ZC3H14: variants seen among roughly 807,000 people sequenced by gnomAD.
ZC3H14 encodes zinc finger CCCH-type containing 14.
ZC3H14 carries 31 observed loss-of-function variants against 92.4 expected under a neutral mutation model. That is an observed-to-expected ratio of 0.34 (90% CI 0.25 to 0.45). The LOEUF is 0.45. Among genes scored for constraint, ZC3H14 ranks in the 20% least tolerant of loss-of-function variants. The pLI is 1.00. For missense variants in ZC3H14, 781 were observed against 897.3 expected, an observed-to-expected ratio of 0.87 and a Z score of 1.66; for synonymous variants, 321 against 300.9, an observed-to-expected ratio of 1.07 and a Z score of -0.69.
At position 88,572,102 on chromosome 14, in the gene ZC3H14, G is replaced by C; in HGVS notation, c.308G>C (p.Ser103Thr). 1 of 1,614,100 alleles carries C rather than the reference G, an allele frequency of 6.2e-7. No individual in the cohort carries two copies. Among genetic ancestry groups the C allele is most frequent in the South Asian group, 1.1e-5 (1 of 91,090 alleles). ...SNVPSNKSNF[S>T]RGDERRHEAA... ...GTGCCTTCAAACAAGAGCAATTTCA[G>C]TCGGGGAGATGAGAGGAGGCATGAA... The change falls in exon 5 of 17, where the codon AGT (serine) becomes ACT (threonine). Residue 103 changes from serine to threonine, a missense_variant. By Grantham distance (58) the Ser-to-Thr change is moderately conservative. Coordinates refer to ENST00000251038, the MANE Select transcript of ZC3H14 (RefSeq NM_024824.5).
intron 9 of ZC3H14, among the ~76,000 whole-genome samples, chr14:88,588,974 C>G (rs990796641): frequency 1.3e-5 from 2 of 152,130 alleles, no homozygotes; most frequent in African/African-American, 4.8e-5. Flanking sequence ...TCTCAACTGT[C>G]TGAAGATCCT....
Position 88,567,749 on chromosome 14 carries a change from A to C in ZC3H14, c.80-290A>C, listed in dbSNP as rs955422458. 15 of 402,670 alleles carry C rather than the reference A, an allele frequency of 3.7e-5. 1 individual carries two copies. The Admixed American group carries it at 5.4e-4, about 15-fold the overall frequency. 24.9% of individuals were successfully genotyped at this position (402,670 alleles called of 1,614,324 possible). A position where few individuals can be genotyped will look rare whatever the true frequency, so the allele number is the denominator to read the frequency against. ...CCCATAAGCTTCTTTGAAATTAATA[A>C]GCATTATTAAAAAGATTCAAGGAAG... On this transcript the variant is annotated intron_variant, in intron 2 of 16. Coordinates refer to ENST00000251038, the MANE Select transcript of ZC3H14 (RefSeq NM_024824.5).
At chr14:88,583,179 T>G (rs766930971) in intron 9 of ZC3H14, among the ~76,000 whole-genome samples, 17 of 151,528 alleles carry the variant, frequency 1.1e-4, no homozygotes, top group Non-Finnish European at 2.4e-4. Flanking sequence ...TCACCTAGGC[T>G]AGAGTACAGT....
At chr14:88,570,988 T>G (rs2080308124) in intron 3 of ZC3H14, 96 bp from the exon 4 acceptor site, 3 of 985,692 alleles carry the variant, frequency 3.0e-6, no homozygotes, top group Non-Finnish European at 4.2e-6. Context: ...ATTTAAAAAA[T>G]TATCTCTGAA....
Position 88,622,665 on chromosome 14 carries a change from C to A in ZC3H14, c.*10914C>A, listed in dbSNP as rs370179425. 6.2e-7 allele frequency: 1 copy of A among 1,611,018 alleles called. No homozygotes were observed. Among genetic ancestry groups the A allele is most frequent in the Non-Finnish European group, 8.5e-7 (1 of 1,178,512 alleles). ...TTGTCCTGTCTCAAGCCTGAAGGCA[C>A]GGCACCGCCTCAGTTCCTGATCCCA... On this transcript the variant is annotated 3_prime_UTR_variant, in exon 17 of 17. Transcript: ENST00000251038.
chr14:88,609,407 A>G lies in ZC3H14; in HGVS notation c.2005+4A>G, dbSNP rs1432194908. 1.2e-6 allele frequency: 2 copies of G among 1,613,966 alleles called. No homozygotes were observed. The highest frequency in any genetic ancestry group is 3.3e-5 in the Admixed American group (2 of 59,982). ...CCAGTACTGTCTCCAAAACCAGGTG[A>G]GTGAGTGACTGTGCTACTACATTTG... is the stretch of plus-strand genomic sequence containing the variant. On this transcript the variant is annotated splice_donor_region_variant and intron_variant, in intron 14 of 16. Coordinates refer to ENST00000251038, the MANE Select transcript of ZC3H14 (RefSeq NM_024824.5).
intron 2 of ZC3H14, chr14:88,567,763 G>T: frequency 2.3e-6 from 1 of 439,436 alleles, no homozygotes; most frequent in Non-Finnish European, 4.3e-6. Flanking sequence ...TTATTAAAAA[G>T]ATTCAAGGAA....
intron 15 of ZC3H14, 70 bp downstream of exon 15, chr14:88,609,873 G>A: frequency 6.6e-7 from 1 of 1,518,736 alleles, no homozygotes; most frequent in African/African-American, 1.4e-5. Context: ...CTTCTTTTTT[G>A]TCAGAGTTAC....
Position 88,616,564 on chromosome 14 carries a change from T to G in ZC3H14, c.*4813T>G, listed in dbSNP as rs576635624. ...AGATGGTATTACTCGAGGGAGAGGATTTGTTTCTAATAGCTTTTATTTCAA... is the reference window on the plus strand; with the variant it reads ...AGATGGTATTACTCGAGGGAGAGGAGTTGTTTCTAATAGCTTTTATTTCAA... On this transcript the variant is annotated 3_prime_UTR_variant, in exon 17 of 17. Coordinates refer to ENST00000251038, the MANE Select transcript of ZC3H14 (RefSeq NM_024824.5). The G allele has an allele frequency of 1.4e-6, 1 of 729,576 alleles. No individual in the cohort carries two copies. Among genetic ancestry groups the G allele is most frequent in the Admixed American group, 3.0e-5 (1 of 33,762 alleles). 45.2% of individuals were successfully genotyped at this position (729,576 alleles called of 1,614,324 possible). A position where few individuals can be genotyped will look rare whatever the true frequency, so the allele number is the denominator to read the frequency against.
At chr14:88,580,823 C>G in intron 9 of ZC3H14, among the ~76,000 whole-genome samples, 1 of 152,240 alleles carries the variant, frequency 6.6e-6, no homozygotes, top group South Asian at 2.1e-4. Context: ...TTTGGACATT[C>G]AGGCAAAAGG....
At position 88,621,402 on chromosome 14, in the gene ZC3H14, T is replaced by A. The variant is rs1208497257; in HGVS notation, c.*9651T>A. 6.9e-7 allele frequency: 1 copy of A among 1,459,314 alleles called. No individual in the cohort carries two copies. The highest frequency in any genetic ancestry group is 9.4e-7 in the Non-Finnish European group (1 of 1,058,480). The allele number at this position is 1,459,314 out of a possible 1,614,324, so 90.4% of individuals were successfully genotyped here. A position where few individuals can be genotyped will look rare whatever the true frequency, so the allele number is the denominator to read the frequency against. On this transcript the variant is annotated 3_prime_UTR_variant, in exon 17 of 17. Transcript: ENST00000251038. ...CTATTGACCTGCTTTCAGAGAACTT[T>A]TTGCTTTGAGCTAATCTAGTAGCAA...
chr14:88,594,637 T>C (rs1219859581), intron 9 of ZC3H14: 11 of 1,605,186 alleles, frequency 6.9e-6, no homozygotes, highest in Non-Finnish European at 6.8e-6. Context: ...TTACTTTCGA[T>C]GAAATAACTT....
chr14:88,599,620 G>T (rs888316008), intron 10 of ZC3H14, among the ~76,000 whole-genome samples: 4 of 152,110 alleles, frequency 2.6e-5, no homozygotes, highest in Admixed American at 2.0e-4. Context: ...TGACCTTTCG[G>T]CTTCCAGTTC....
chr14:88,563,779 T>C, intron 2 of ZC3H14, 86 bp downstream of exon 2: 1 of 1,319,388 alleles, frequency 7.6e-7, no homozygotes, highest in South Asian at 1.2e-5. Flanking sequence ...CTCACCGTAC[T>C]TTGGACATTG....
At position 88,608,542 on chromosome 14, in the gene ZC3H14, G is replaced by C. The variant is rs2085996387; in HGVS notation, c.1869-725G>C. 1.6e-5 allele frequency: 4 copies of C among 251,772 alleles called. No homozygotes were observed. In the South Asian group the frequency reaches 1.7e-4, roughly 11 times the overall value. 15.6% of individuals were successfully genotyped at this position (251,772 alleles called of 1,614,324 possible). On this transcript the variant is annotated intron_variant, in intron 13 of 16. Transcript: ENST00000251038. The stretch of plus-strand genomic sequence containing the variant: ...GTATGTTTGTTGAGAGGCAAGGGTG[G>C]GGGGGCTTTGTTTGTGCCTCGGACC...
intron 9 of ZC3H14, among the ~76,000 whole-genome samples, chr14:88,595,898 G>T (rs142084196): frequency 5.3e-5 from 8 of 152,172 alleles, no homozygotes; most frequent in African/African-American, 1.9e-4. Flanking sequence ...GTACACTGTA[G>T]TGCAGTACCT....
chr14:88,585,437 C>T (rs776886726), intron 9 of ZC3H14, among the ~76,000 whole-genome samples: 10 of 149,864 alleles, frequency 6.7e-5, no homozygotes, highest in Non-Finnish European at 1.2e-4. Flanking sequence ...AGTGTAGTAG[C>T]GCGATCTCGG....
Position 88,618,317 on chromosome 14 carries a change from G to A in ZC3H14, c.*6566G>A. 1 of 1,613,094 alleles carries A rather than the reference G, an allele frequency of 6.2e-7. No individual in the cohort carries two copies. The highest frequency in any genetic ancestry group is 8.5e-7 in the Non-Finnish European group (1 of 1,179,770). On this transcript the variant is annotated 3_prime_UTR_variant, in exon 17 of 17. Transcript: ENST00000251038. ...GCACTTCATAGACATGCCGTTTATA[G>A]CAGCCACTAGAGACCTTTTTCATCA...
At position 88,617,143 on chromosome 14, in the gene ZC3H14, A is replaced by AT; in HGVS notation, c.*5398dup. On this transcript the variant is annotated 3_prime_UTR_variant, in exon 17 of 17. Coordinates refer to ENST00000251038, the MANE Select transcript of ZC3H14 (RefSeq NM_024824.5). ...GTACTTTATGAAAACTGATAGAACT[A>AT]TTTTTTCTTTTTTTTTTTTTGAGAC... 1 of 264,184 alleles carries AT rather than the reference A, an allele frequency of 3.8e-6. No homozygotes were observed. Among genetic ancestry groups the AT allele is most frequent in the East Asian group, 6.7e-5 (1 of 14,930 alleles). 16.4% of individuals were successfully genotyped at this position (264,184 alleles called of 1,614,324 possible).
Sources: allele counts gnomAD v4.1 joint callset (sites outside exome capture counted in the v4.1 genomes callset), GRCh38; gene constraint gnomAD v4.1.1; transcripts MANE v1.5; gene names NCBI Gene and HGNC (gene_info 2026-07-23, HGNC 2026-07-21).